The following KDM1B variants were observed in gnomAD, a reference collection of about 807,000 sequenced individuals.
KDM1B encodes the protein lysine-specific histone demethylase 2.
In KDM1B, 63 loss-of-function variants were observed where a neutral mutation model predicts 107.4. The ratio of observed to expected loss-of-function variants is 0.59; its 90% CI spans 0.48 to 0.72. The LOEUF (loss-of-function observed/expected upper bound fraction) is 0.72, where lower values mean the gene tolerates loss of function less well. Among genes scored for constraint, KDM1B ranks in the 30% least tolerant of loss-of-function variants. The pLI is 0.00. For synonymous variants in KDM1B, 363 were observed against 363.9 expected (o/e 1.00, Z 0.03); for missense variants, 749 against 1,020.8 (o/e 0.73, Z 3.63).
chr6:18,184,736 C>CTT (rs58897300), intron 7 of KDM1B, among the ~76,000 whole-genome samples: 50 of 65,448 alleles, frequency 7.6e-4, no homozygotes, highest in African/African-American at 2.5e-3. Context: ...AGCTTTTTTC[C>CTT]TTTTTTTTTT....
chr6:18,192,448 C>T (rs1345674069), intron 10 of KDM1B, among the ~76,000 whole-genome samples: 1 of 152,078 alleles, frequency 6.6e-6, no homozygotes, highest in African/African-American at 2.4e-5. Context: ...AATGACATAA[C>T]CTGATTAAGT....
At chr6:18,157,389 C>G (rs1490371123) in intron 2 of KDM1B, among the ~76,000 whole-genome samples, 1 of 152,008 alleles carries the variant, frequency 6.6e-6, no homozygotes, top group Non-Finnish European at 1.5e-5. Flanking sequence ...TTCTTGAATT[C>G]TTTGTTGCAT....
At chr6:18,199,747 A>G (rs1186525200) in intron 12 of KDM1B, among the ~76,000 whole-genome samples, 1 of 147,414 alleles carries the variant, frequency 6.8e-6, no homozygotes, top group African/African-American at 2.5e-5. Context: ...GTTAAAGCTT[A>G]TTTGCAGTCC....
Position 18,211,458 on chromosome 6 carries a change from C to G in KDM1B, c.1867-1030C>G, listed in dbSNP as rs542757217. On this transcript the variant is annotated intron_variant, in intron 17 of 21. Transcript: ENST00000650836. This position sits in a 1 kb window ranked among gnomAD's most constrained non-coding sequence, Gnocchi z 5.2. ...GATGTAGAAGGTGTAGGTTGACTTT[C>G]GCTTCCCTTCTGCTGCCTCTGTTGA... 2.6e-5 allele frequency: 4 copies of G among 152,376 alleles called. No homozygotes were observed. The highest frequency in any genetic ancestry group is 7.2e-5 in the African/African-American group (3 of 41,588). 9.4% of individuals were successfully genotyped at this position (152,376 alleles called of 1,614,324 possible). A position where few individuals can be genotyped will look rare whatever the true frequency, so the allele number is the denominator to read the frequency against.
intron 10 of KDM1B, among the ~76,000 whole-genome samples, chr6:18,194,327 A>G (rs555826039): frequency 6.6e-6 from 1 of 151,482 alleles, no homozygotes; most frequent in Non-Finnish European, 1.5e-5. Context: ...TGGTTCCCCC[A>G]TCCCCCCAAC....
intron 10 of KDM1B, among the ~76,000 whole-genome samples, chr6:18,194,119 C>G (rs1269109857): frequency 6.6e-6 from 1 of 152,032 alleles, no homozygotes; most frequent in African/African-American, 2.4e-5. Flanking sequence ...TCAAGTGATC[C>G]ACCTGCCTCA....
rs113467111 is a variant in KDM1B, at chr6:18,196,340, T to C, written c.970-717T>C. Among the ~76,000 whole-genome samples, 1,264 of 152,306 alleles carry C rather than the reference T, an allele frequency of 8.3e-3. 21 individuals carry two copies. The highest frequency in any genetic ancestry group is 0.028 in the African/African-American group (1,175 of 41,564). On this transcript the variant is annotated intron_variant, in intron 10 of 21. Coordinates refer to ENST00000650836, the MANE Select transcript of KDM1B (RefSeq NM_001364614.2). ...GCTGATTCATTTTATTTGACTACCC[T>C]GCAGTGGGGGTTGCTGGATCGTATG...
intron 7 of KDM1B, 151 bp from the exon 8 acceptor site, chr6:18,185,621 C>T (rs1786807325): frequency 4.1e-6 from 3 of 731,198 alleles, no homozygotes; most frequent in South Asian, 1.6e-5. Flanking sequence ...AGAGCCAGGC[C>T]TCCAGACACT....
In KDM1B at chr6:18,162,935, TA is replaced by T; in HGVS notation, c.305+13del. The stretch of plus-strand genomic sequence containing the variant: ...CCATTACTACAGAAGGTATGTTCAC[TA>T]ATTGTGTGAGGTTTCCCTGGAGAAG... On this transcript the variant is annotated intron_variant, in intron 5 of 21. Transcript: ENST00000650836. The surrounding 1 kb of genome is among the most constrained non-coding windows in gnomAD (Gnocchi z 4.1). The T allele has an allele frequency of 6.5e-7, 1 of 1,548,064 alleles. No individual in the cohort carries two copies. The highest frequency in any genetic ancestry group is 2.2e-5 in the East Asian group (1 of 44,542).
chr6:18,156,560 T>C (rs1398165590), intron 2 of KDM1B, among the ~76,000 whole-genome samples: 1 of 152,134 alleles, frequency 6.6e-6, no homozygotes, highest in Non-Finnish European at 1.5e-5. Flanking sequence ...TCAATAATTA[T>C]TTGCCTTGCT....
intron 5 of KDM1B, among the ~76,000 whole-genome samples, chr6:18,163,189 G>T (rs1238189607): frequency 4.0e-5 from 6 of 150,440 alleles, no homozygotes; most frequent in African/African-American, 1.5e-4. Flanking sequence ...CTAGGCTGGA[G>T]TGTAGAGACA....
chr6:18,208,619 ATATATATATTTTTTTTTTTTTTTTT>A (rs1473371609), intron 17 of KDM1B, among the ~76,000 whole-genome samples: 1 of 38,370 alleles, frequency 2.6e-5, no homozygotes. Flanking sequence ...ATATATATAT[ATATATATATTTTTTTTTTTTTTTTT>A]TTTTTTTTTT....
intron 21 of KDM1B, among the ~76,000 whole-genome samples, chr6:18,220,503 G>A (rs1357977247): frequency 1.3e-5 from 2 of 152,124 alleles, no homozygotes; most frequent in South Asian, 2.1e-4. Context: ...CCAAGATCAC[G>A]CCACTGCACT....
Position 18,201,734 on chromosome 6 carries a change from C to G in KDM1B, c.1531+77C>G. The G allele has an allele frequency of 8.1e-7, 1 of 1,230,686 alleles. No individual in the cohort carries two copies. The highest frequency in any genetic ancestry group is 1.1e-6 in the Non-Finnish European group (1 of 890,708). The allele number at this position is 1,230,686 out of a possible 1,614,324, so 76.2% of individuals were successfully genotyped here. On this transcript the variant is annotated intron_variant, in intron 14 of 21. Transcript: ENST00000650836. The surrounding 1 kb of genome is among the most constrained non-coding windows in gnomAD (Gnocchi z 4.3). ...AAGCTTCATCAGCAGTGGCATTGTTCATTTGCGAGGTCGGATGTCGGCAAC... is the reference window on the plus strand; with the variant it reads ...AAGCTTCATCAGCAGTGGCATTGTTGATTTGCGAGGTCGGATGTCGGCAAC...
In KDM1B at chr6:18,204,092, T is replaced by C. The variant is rs1267768368; in HGVS notation, c.1532-1445T>C. 6.6e-6 allele frequency among the ~76,000 whole-genome samples: 1 copy of C among 151,826 alleles called. No individual in the cohort carries two copies. The highest frequency in any genetic ancestry group is 6.6e-5 in the Admixed American group (1 of 15,242). On this transcript the variant is annotated intron_variant, in intron 14 of 21. Coordinates refer to ENST00000650836, the MANE Select transcript of KDM1B (RefSeq NM_001364614.2). The surrounding 1 kb of genome is among the most constrained non-coding windows in gnomAD (Gnocchi z 4.9). ...CCTCTTGGGCATCCGCATGTTACAA[T>C]CTAGTGCAAGAACTGAACATTTTGA...
chr6:18,160,081 A>T, intron 3 of KDM1B, 99 bp downstream of exon 3: 1 of 737,938 alleles, frequency 1.4e-6, no homozygotes, highest in Non-Finnish European at 2.2e-6. Flanking sequence ...CCAGCCCTCA[A>T]GTTGCTTGTA....
intron 16 of KDM1B, 75 bp from the exon 17 acceptor site, chr6:18,208,057 A>T: frequency 9.6e-7 from 1 of 1,036,480 alleles, no homozygotes; most frequent in Non-Finnish European, 1.5e-6. Flanking sequence ...AAATTCATGT[A>T]ATATGAGAAT....
intron 7 of KDM1B, 95 bp from the exon 8 acceptor site, chr6:18,185,677 G>C: frequency 9.0e-7 from 1 of 1,105,080 alleles, no homozygotes; most frequent in Non-Finnish European, 1.4e-6. Context: ...TTGCCAGCCT[G>C]ATAGGTGAAA....
At position 18,223,718 on chromosome 6, in the gene KDM1B, T is replaced by C. The variant is rs1208456937; in HGVS notation, c.*1726T>C. ...CCATGGTACTTTTTTCTTGAGTTAC[T>C]TTGGATATGTTTTTTCAATGCCATC... On this transcript the variant is annotated 3_prime_UTR_variant, in exon 22 of 22. Coordinates refer to ENST00000650836, the MANE Select transcript of KDM1B (RefSeq NM_001364614.2). The C allele has an allele frequency of 6.6e-6, 1 of 152,212 alleles. No individual in the cohort carries two copies. The highest frequency in any genetic ancestry group is 1.5e-5 in the Non-Finnish European group (1 of 68,016). The allele number at this position is 152,212 out of a possible 1,614,324, so 9.4% of individuals were successfully genotyped here.
Sources: allele counts gnomAD v4.1 joint callset (sites outside exome capture counted in the v4.1 genomes callset), GRCh38; gene constraint gnomAD v4.1.1; non-coding constraint Gnocchi (gnomAD v3.1); transcripts MANE v1.5; gene names NCBI Gene and HGNC (gene_info 2026-07-23, HGNC 2026-07-21).